Variants in THSD7B observed in about 807,000 individuals in gnomAD.
THSD7B encodes the protein thrombospondin type-1 domain-containing protein 7B.
THSD7B carries 138 observed loss-of-function variants against 213.6 expected under a neutral mutation model. The observed-to-expected ratio is 0.65, with a 90% CI of 0.56 to 0.74. The LOEUF is 0.74. Among genes scored for constraint, THSD7B ranks in the 30% least tolerant of loss-of-function variants. The pLI, the probability that THSD7B is intolerant of heterozygous loss-of-function variation, is 0.00. For synonymous variants in THSD7B, 742 were observed against 687.0 expected (o/e 1.08, Z -1.25); for missense variants, 1,931 against 1,991.5 (o/e 0.97, Z 0.58).
intron 2 of THSD7B, among the ~76,000 whole-genome samples, chr2:137,030,710 C>G (rs13423421): frequency 0.071 from 10,873 of 152,088 alleles, 423 homozygotes; most frequent in East Asian, 0.14. Context: ...TTGGAAGTGG[C>G]AGCTAAGCTA....
chr2:137,400,423 T>C (rs1015932493), intron 12 of THSD7B, among the ~76,000 whole-genome samples: 2 of 152,164 alleles, frequency 1.3e-5, no homozygotes, highest in Admixed American at 6.5e-5. Flanking sequence ...ATGGCTATGA[T>C]GGTTGGGTAG....
chr2:137,300,614 A>G (rs181404366), intron 12 of THSD7B, among the ~76,000 whole-genome samples: 92 of 152,314 alleles, frequency 6.0e-4, no homozygotes, highest in African/African-American at 1.8e-3. Flanking sequence ...CCCAACATTT[A>G]TAATTTATAC....
intron 13 of THSD7B, among the ~76,000 whole-genome samples, chr2:137,411,145 A>C (rs1686642445): frequency 6.6e-6 from 1 of 152,238 alleles, no homozygotes; most frequent in South Asian, 2.1e-4. Flanking sequence ...GAGCTGCCTG[A>C]TGGCAGAGAC....
At chr2:137,397,255 A>T (rs373671437) in intron 12 of THSD7B, among the ~76,000 whole-genome samples, 25 of 152,138 alleles carry the variant, frequency 1.6e-4, no homozygotes, top group East Asian at 1.2e-3. Context: ...GTTTCTTCCT[A>T]GTCTCGATGT....
intron 27 of THSD7B, among the ~76,000 whole-genome samples, chr2:137,671,987 G>GTTAT (rs1683588626): frequency 6.6e-6 from 1 of 152,028 alleles, no homozygotes; most frequent in African/African-American, 2.4e-5. Context: ...TAATATTGTA[G>GTTAT]TTATTTATAT....
intron 10 of THSD7B, among the ~76,000 whole-genome samples, chr2:137,270,215 C>G (rs1682700763): frequency 6.6e-6 from 1 of 152,098 alleles, no homozygotes; most frequent in South Asian, 2.1e-4. Context: ...CTCTATCCCT[C>G]CTCTTGCCCT....
At chr2:137,485,340 G>A (rs866681948) in intron 15 of THSD7B, among the ~76,000 whole-genome samples, 19 of 150,858 alleles carry the variant, frequency 1.3e-4, no homozygotes, top group African/African-American at 2.7e-4. Context: ...GTAGATATGC[G>A]GCATTATTTC....
chr2:137,257,044 T>G (rs942980604), intron 10 of THSD7B, among the ~76,000 whole-genome samples: 2 of 152,062 alleles, frequency 1.3e-5, no homozygotes, highest in African/African-American at 2.4e-5. Flanking sequence ...ACTTAGGTCT[T>G]TCTTTGGCAT....
At chr2:136,855,983 C>T (rs1683175683) in intron 1 of THSD7B, among the ~76,000 whole-genome samples, 1 of 66,556 alleles carries the variant, frequency 1.5e-5, no homozygotes, top group Non-Finnish European at 3.0e-5. Flanking sequence ...GTCACCTTCT[C>T]AAGGAAGTTT....
intron 5 of THSD7B, among the ~76,000 whole-genome samples, chr2:137,151,259 A>G (rs1679813636): frequency 6.6e-6 from 1 of 152,200 alleles, no homozygotes; most frequent in Admixed American, 6.5e-5. Context: ...TCAACAGCAC[A>G]ATATTTTCTT....
At chr2:137,593,708 A>G (rs1396617990) in intron 17 of THSD7B, among the ~76,000 whole-genome samples, 2 of 151,974 alleles carry the variant, frequency 1.3e-5, no homozygotes, top group Non-Finnish European at 2.9e-5. Flanking sequence ...AATATTTTCC[A>G]CAATTTTATA....
At chr2:136,880,502 T>G (rs1683600321) in intron 1 of THSD7B, among the ~76,000 whole-genome samples, 1 of 152,190 alleles carries the variant, frequency 6.6e-6, no homozygotes, top group Non-Finnish European at 1.5e-5. Context: ...TGGAAAACTG[T>G]ACATGGATAT....
intron 2 of THSD7B, among the ~76,000 whole-genome samples, chr2:136,941,899 T>G (rs1684834936): frequency 6.6e-6 from 1 of 152,206 alleles, no homozygotes; most frequent in Non-Finnish European, 1.5e-5. Flanking sequence ...GCTTTTGGTG[T>G]TTTAGTCATG....
chr2:137,303,692 A>ATTTATATATATTTTTATATATATT (rs1553437339), intron 12 of THSD7B, among the ~76,000 whole-genome samples: 5 of 100,376 alleles, frequency 5.0e-5, no homozygotes, highest in African/African-American at 1.9e-4. Flanking sequence ...ATTTATATAT[A>ATTTATATATATTTTTATATATATT]TTTATATATA....
chr2:137,012,849 C>G (rs1421088464), intron 2 of THSD7B, among the ~76,000 whole-genome samples: 1 of 152,160 alleles, frequency 6.6e-6, no homozygotes, highest in Non-Finnish European at 1.5e-5. Flanking sequence ...AATAAACTTT[C>G]TAAATTAGTA....
chr2:137,419,353 CA>C, intron 14 of THSD7B, among the ~76,000 whole-genome samples: 1 of 150,198 alleles, frequency 6.7e-6, no homozygotes, highest in Non-Finnish European at 1.5e-5. Flanking sequence ...TCTCAGCCCC[CA>C]CTTTTGGTGG....
intron 10 of THSD7B, among the ~76,000 whole-genome samples, chr2:137,247,542 G>C (rs1682066985): frequency 6.6e-6 from 1 of 152,132 alleles, no homozygotes; most frequent in Admixed American, 6.5e-5. Flanking sequence ...AATATTTCTA[G>C]AAACCATGGA....
intron 17 of THSD7B, among the ~76,000 whole-genome samples, chr2:137,580,266 A>C (rs925895543): frequency 6.7e-6 from 1 of 148,478 alleles, no homozygotes; most frequent in African/African-American, 2.4e-5. Context: ...TACATTTAAT[A>C]TCATGTGAAT....
At position 137,647,415 on chromosome 2, in the gene THSD7B, GTCTCTTTC is replaced by G. The variant is rs770799943; in HGVS notation, c.3945+4788_3945+4795del. ...TGAGTCCCTACTCCGATCTCTCTCT[GTCTCTTTC>G]TCTCTCTCTCTCTCTCTCCCCAACC... On this transcript the variant is annotated intron_variant, in intron 21 of 27. Coordinates refer to ENST00000409968, the MANE Select transcript of THSD7B (RefSeq NM_001316349.2). 1.6e-3 allele frequency among the ~76,000 whole-genome samples: 151 copies of G among 92,474 alleles called. 3 individuals carry two copies. The Middle Eastern group carries it at 0.017, about 10-fold the overall frequency. 60.7% of individuals were successfully genotyped at this position (92,474 alleles called of 152,430 possible).
Sources: allele counts gnomAD v4.1 joint callset (sites outside exome capture counted in the v4.1 genomes callset), GRCh38; gene constraint gnomAD v4.1.1; transcripts MANE v1.5; gene names NCBI Gene and HGNC (gene_info 2026-07-23, HGNC 2026-07-21).